Variants in PRPF39 observed in about 807,000 individuals in gnomAD.
The protein encoded by PRPF39 is pre-mRNA processing factor 39.
PRPF39 carries 27 observed loss-of-function variants against 82.1 expected under a neutral mutation model. That is an observed-to-expected ratio of 0.33 (90% confidence interval 0.24 to 0.45). PRPF39 has a LOEUF of 0.45. Among genes scored for constraint, PRPF39 ranks in the 20% least tolerant of loss-of-function variants. PRPF39 has a pLI of 1.00. For missense variants in PRPF39, 581 were observed against 796.9 expected, an observed-to-expected ratio of 0.73 and a Z score of 3.26; for synonymous variants, 261 against 256.4, an observed-to-expected ratio of 1.02 and a Z score of -0.17.
intron 3 of PRPF39, chr14:45,096,548 GT>G: frequency 7.0e-7 from 1 of 1,431,912 alleles, no homozygotes; most frequent in Non-Finnish European, 9.3e-7. Flanking sequence ...AAACAATATA[GT>G]TGGTTTGCTA....
intron 4 of PRPF39, among the ~76,000 whole-genome samples, chr14:45,101,996 G>T (rs954030040): frequency 1.3e-5 from 2 of 151,784 alleles, no homozygotes; most frequent in African/African-American, 4.8e-5. Flanking sequence ...TTGTAGAGAT[G>T]GGGTTTCACC....
At chr14:45,108,548 C>G (rs560063087) in intron 7 of PRPF39, 26 bp downstream of exon 7, 8 of 1,564,356 alleles carry the variant, frequency 5.1e-6, no homozygotes, top group Non-Finnish European at 6.9e-6. Context: ...TTGTAATAGT[C>G]TTTAAAATAC....
At chr14:45,086,842 C>G (rs1001290580) in intron 1 of PRPF39, among the ~76,000 whole-genome samples, 4 of 138,240 alleles carry the variant, frequency 2.9e-5, no homozygotes, top group Non-Finnish European at 4.6e-5. Context: ...AGCAGTGTTT[C>G]TCAGTTTTTT....
rs57666854 is a variant in PRPF39 at position 45,086,846 on chromosome 14, G to GTT, written c.-20+2619_-20+2620dup. Among the ~76,000 whole-genome samples the GTT allele has an allele frequency of 3.8e-3, 450 of 118,410 alleles. 11 individuals are homozygous for GTT. Among genetic ancestry groups the GTT allele is most frequent in the African/African-American group, 0.012 (396 of 33,136 alleles). The allele number at this position is 118,410 out of a possible 152,430, so 77.7% of individuals were successfully genotyped here. A position where few individuals can be genotyped will look rare whatever the true frequency, so the allele number is the denominator to read the frequency against. On this transcript the variant is annotated intron_variant, in intron 1 of 13. Transcript: ENST00000355765. ...TGCAGTAGTGCAGCAGTGTTTCTCA[G>GTT]TTTTTTTTTTTTTTTTTTTTTTTAC...
rs1033043546 is a variant in PRPF39, at chr14:45,110,465, A to G, written c.1304-84A>G. The G allele has an allele frequency of 5.8e-6, 8 of 1,384,890 alleles. No individual in the cohort carries two copies. The African/African-American group carries it at 1.0e-4, about 18-fold the overall frequency. The allele number at this position is 1,384,890 out of a possible 1,614,324, so 85.8% of individuals were successfully genotyped here. A position where few individuals can be genotyped will look rare whatever the true frequency, so the allele number is the denominator to read the frequency against. Reference sequence around the variant, plus strand: ...CATTATTAGTTGCTGGATTTAGCCCATGGGTGATTGTTGCCAGTATCTGGT... The same window carrying G: ...CATTATTAGTTGCTGGATTTAGCCCGTGGGTGATTGTTGCCAGTATCTGGT... On this transcript the variant is annotated intron_variant, in intron 9 of 13. Coordinates refer to ENST00000355765, the MANE Select transcript of PRPF39 (RefSeq NM_017922.4). The surrounding 1 kb of genome is among the most constrained non-coding windows in gnomAD (Gnocchi z 4.0).
chr14:45,116,198 T>C lies in PRPF39; in HGVS notation c.*1285T>C. 2.5e-6 allele frequency: 4 copies of C among 1,608,480 alleles called. No homozygotes were observed. The highest frequency in any genetic ancestry group is 3.4e-6 in the Non-Finnish European group (4 of 1,174,998). ...TCCTTAGAGCTGAAGCACTGCTATT[T>C]CAATCAATATCCACTAATTCCACTT... On this transcript the variant is annotated 3_prime_UTR_variant, in exon 14 of 14. Coordinates refer to ENST00000355765, the MANE Select transcript of PRPF39 (RefSeq NM_017922.4).
intron 11 of PRPF39, among the ~76,000 whole-genome samples, chr14:45,113,731 GA>G (rs1884759888): frequency 6.6e-6 from 1 of 152,170 alleles, no homozygotes. Context: ...ACTGGATTCT[GA>G]TAAACTGAGC....
Position 45,110,844 on chromosome 14 carries a change from C to T in PRPF39, c.1572+27C>T. ...TATGCATTTGTATTTTTAAGAGTATCTTCTATTAAAAAAACCAGTGGTCAG... is the reference window on the plus strand; with the variant it reads ...TATGCATTTGTATTTTTAAGAGTATTTTCTATTAAAAAAACCAGTGGTCAG... On this transcript the variant is annotated intron_variant, in intron 10 of 13. Coordinates refer to ENST00000355765, the MANE Select transcript of PRPF39 (RefSeq NM_017922.4). This position sits in a 1 kb window ranked among gnomAD's most constrained non-coding sequence, Gnocchi z 4.0. 2 of 1,521,552 alleles carry T rather than the reference C, an allele frequency of 1.3e-6. No individual in the cohort carries two copies. Among genetic ancestry groups the T allele is most frequent in the East Asian group, 2.5e-5 (1 of 40,720 alleles). 94.3% of individuals were successfully genotyped at this position (1,521,552 alleles called of 1,614,324 possible).
chr14:45,088,021 A>G (rs1566689067), intron 1 of PRPF39, among the ~76,000 whole-genome samples: 2 of 152,208 alleles, frequency 1.3e-5, no homozygotes, highest in Non-Finnish European at 2.9e-5. Context: ...AATTGAGTGT[A>G]TACTAGGCCT....
intron 3 of PRPF39, chr14:45,096,662 C>T (rs1484005162): frequency 8.0e-6 from 12 of 1,502,776 alleles, no homozygotes; most frequent in Non-Finnish European, 1.1e-5. Flanking sequence ...GCCCACACAA[C>T]CCGGTCAGAA....
intron 1 of PRPF39, among the ~76,000 whole-genome samples, chr14:45,090,983 A>G (rs969759887): frequency 2.0e-5 from 3 of 152,220 alleles, no homozygotes; most frequent in African/African-American, 7.2e-5. Flanking sequence ...ATTCAGACTC[A>G]GAAGGTCTTT....
In PRPF39 at chr14:45,102,517, T is replaced by G; in HGVS notation, c.570-12T>G. Reference sequence around the variant, plus strand: ...CTTGGAAAGATAACTTAAGAGTAATTTAATTTTTCAGAACTTTTGAGCATG... The same window carrying G: ...CTTGGAAAGATAACTTAAGAGTAATGTAATTTTTCAGAACTTTTGAGCATG... On this transcript the variant is annotated splice_polypyrimidine_tract_variant and intron_variant, in intron 4 of 13. Coordinates refer to ENST00000355765, the MANE Select transcript of PRPF39 (RefSeq NM_017922.4). The G allele has an allele frequency of 6.4e-7, 1 of 1,568,572 alleles. No individual in the cohort carries two copies. Among genetic ancestry groups the G allele is most frequent in the Non-Finnish European group, 8.6e-7 (1 of 1,161,486 alleles).
Position 45,110,089 on chromosome 14 carries a change from T to G in PRPF39, c.1177-5T>G. The G allele has an allele frequency of 6.2e-7, 1 of 1,613,068 alleles. No individual in the cohort carries two copies. Among genetic ancestry groups the G allele is most frequent in the Non-Finnish European group, 8.5e-7 (1 of 1,179,270 alleles). On this transcript the variant is annotated splice_polypyrimidine_tract_variant and splice_region_variant and intron_variant, in intron 8 of 13. Coordinates refer to ENST00000355765, the MANE Select transcript of PRPF39 (RefSeq NM_017922.4). This position sits in a 1 kb window ranked among gnomAD's most constrained non-coding sequence, Gnocchi z 4.0. Reference sequence around the variant, plus strand: ...TATTCAGTATTTCCTCTTTTCTGTATGTAGTATGCCAAGTACATGGAAAAC... The same window carrying G: ...TATTCAGTATTTCCTCTTTTCTGTAGGTAGTATGCCAAGTACATGGAAAAC...
At chr14:45,114,761 G>C in intron 13 of PRPF39, 96 bp from the exon 14 acceptor site, 1 of 1,390,946 alleles carries the variant, frequency 7.2e-7, no homozygotes, top group Non-Finnish European at 1.0e-6. Context: ...GTGAACACTT[G>C]CTTGTTTTCT....
At chr14:45,091,435 C>T (rs1490675661) in intron 1 of PRPF39, among the ~76,000 whole-genome samples, 1 of 152,174 alleles carries the variant, frequency 6.6e-6, no homozygotes, top group African/African-American at 2.4e-5. Context: ...GCCACCTTTC[C>T]TGGCCATGCT....
chr14:45,107,655 A>G (rs949970389), intron 6 of PRPF39, 39 bp downstream of exon 6: 4 of 1,527,246 alleles, frequency 2.6e-6, no homozygotes, highest in Admixed American at 2.0e-5. Context: ...GTGGCCAGGT[A>G]TGGTGGCTTA....
chr14:45,085,582 C>G (rs1883798049), intron 1 of PRPF39, among the ~76,000 whole-genome samples: 1 of 152,086 alleles, frequency 6.6e-6, no homozygotes, highest in Non-Finnish European at 1.5e-5. Context: ...GGTACGTTTT[C>G]CAAAAAGCCG....
intron 2 of PRPF39, 85 bp from the exon 3 acceptor site, chr14:45,096,018 T>C (rs933451042): frequency 1.4e-5 from 17 of 1,224,908 alleles, no homozygotes; most frequent in Non-Finnish European, 1.9e-5. Context: ...TATTATTTTT[T>C]TAGATAATAA....
chr14:45,114,147 G>A lies in PRPF39; in HGVS notation c.1758-36G>A, dbSNP rs373935113. 127 of 1,448,012 alleles carry A rather than the reference G, an allele frequency of 8.8e-5. 1 individual carries two copies. Among genetic ancestry groups the A allele is most frequent in the Non-Finnish European group, 1.2e-4 (126 of 1,060,336 alleles). The allele number at this position is 1,448,012 out of a possible 1,614,324, so 89.7% of individuals were successfully genotyped here. A position where few individuals can be genotyped will look rare whatever the true frequency, so the allele number is the denominator to read the frequency against. ...AAATATTTAATAAAGTTTGTTTTTT[G>A]TATATTCCAGAGGATATTTTTTTCT... On this transcript the variant is annotated intron_variant, in intron 11 of 13. Coordinates refer to ENST00000355765, the MANE Select transcript of PRPF39 (RefSeq NM_017922.4).
Sources: allele counts gnomAD v4.1 joint callset (sites outside exome capture counted in the v4.1 genomes callset), GRCh38; gene constraint gnomAD v4.1.1; non-coding constraint Gnocchi (gnomAD v3.1); transcripts MANE v1.5; gene names NCBI Gene and HGNC (gene_info 2026-07-23, HGNC 2026-07-21).